FHIP2A: variants seen among roughly 807,000 people sequenced by gnomAD.
FHIP2A encodes the protein FHF complex subunit HOOK interacting protein 2A.
Under a neutral mutation model 93.5 loss-of-function variants are expected in FHIP2A, and 46 were observed. The ratio of observed to expected loss-of-function variants is 0.49; its 90% CI spans 0.39 to 0.63. The LOEUF is 0.63. Among genes scored for constraint, FHIP2A ranks in the 20% least tolerant of loss-of-function variants. FHIP2A has a pLI of 0.00. For synonymous variants in FHIP2A, 332 were observed against 326.5 expected, an observed-to-expected ratio of 1.02 and a Z score of -0.18; for missense variants, 769 against 909.7, an observed-to-expected ratio of 0.85 and a Z score of 1.99.
chr10:114,849,888 CTG>C (rs2083724695), intron 13 of FHIP2A, among the ~76,000 whole-genome samples: 1 of 152,174 alleles, frequency 6.6e-6, no homozygotes, highest in Admixed American at 6.5e-5. Context: ...CCTTTTCTGT[CTG>C]GCATTTTTTA....
At chr10:114,877,866 C>T (rs1381289514) in intron 16 of FHIP2A, among the ~76,000 whole-genome samples, 2 of 119,826 alleles carry the variant, frequency 1.7e-5, no homozygotes, top group Admixed American at 8.8e-5. Context: ...TGTTAACACC[C>T]GTGTGTGAAT....
chr10:114,844,894 C>T (rs536465719), intron 7 of FHIP2A, among the ~76,000 whole-genome samples: 1 of 152,090 alleles, frequency 6.6e-6, no homozygotes, highest in African/African-American at 2.4e-5. Flanking sequence ...AAGTGATTCC[C>T]GTGCCTCAGC....
intron 14 of FHIP2A, among the ~76,000 whole-genome samples, chr10:114,857,257 C>A (rs1389159360): frequency 1.3e-5 from 2 of 150,996 alleles, no homozygotes; most frequent in Non-Finnish European, 3.0e-5. Context: ...AACATTTTTG[C>A]CGGAAGTGAT....
chr10:114,846,871 A>G (rs2083704862), intron 11 of FHIP2A, 143 bp downstream of exon 11: 1 of 792,382 alleles, frequency 1.3e-6, no homozygotes, highest in South Asian at 2.0e-5. Flanking sequence ...ATGCATTGAT[A>G]CTACCATCCT....
chr10:114,860,173 G>A (rs2083789215), intron 14 of FHIP2A, among the ~76,000 whole-genome samples: 1 of 151,962 alleles, frequency 6.6e-6, no homozygotes, highest in South Asian at 2.1e-4. Context: ...GAATCAACCT[G>A]CATAAAATAA....
intron 5 of FHIP2A, among the ~76,000 whole-genome samples, chr10:114,838,747 GGTACACT>G (rs2083650608): frequency 6.6e-6 from 1 of 152,088 alleles, no homozygotes; most frequent in East Asian, 1.9e-4. Context: ...TTCATGGTGA[GGTACACT>G]GTATGTACCT....
chr10:114,845,417 G>A lies in FHIP2A; in HGVS notation c.1064G>A (p.Arg355Gln), dbSNP rs772542473. Reference sequence around the variant, plus strand: ...GATGCTTCAGCATTTCCAGGAAAACGAGCCTTAATTTCATTTCTTTCCTGG... The same window carrying A: ...GATGCTTCAGCATTTCCAGGAAAACAAGCCTTAATTTCATTTCTTTCCTGG... ...KEDASAFPGK[R>Q]ALISFLSWFD... is the part of the protein sequence containing the mutation. The change falls in exon 8 of 17, where the codon CGA (arginine) becomes CAA (glutamine). Residue 355 changes from arginine (R) to glutamine (Q), a missense_variant. Arg to Gln is a conservative substitution (Grantham distance 43, BLOSUM62 1). Coordinates refer to ENST00000369248, the MANE Select transcript of FHIP2A (RefSeq NM_020940.4). 6 of 1,613,564 alleles carry A rather than the reference G, an allele frequency of 3.7e-6. No individual in the cohort carries two copies. The highest frequency in any genetic ancestry group is 1.7e-5 in the Admixed American group (1 of 60,016).
At chr10:114,882,566 C>T (rs921660816) in intron 16 of FHIP2A, among the ~76,000 whole-genome samples, 1 of 152,148 alleles carries the variant, frequency 6.6e-6, no homozygotes, top group African/African-American at 2.4e-5. Context: ...TGGCTCGCAC[C>T]TGTCATCGCA....
At chr10:114,893,403 G>A (rs2083985475) in intron 16 of FHIP2A, among the ~76,000 whole-genome samples, 1 of 152,174 alleles carries the variant, frequency 6.6e-6, no homozygotes, top group African/African-American at 2.4e-5. Context: ...ACCAATCAGT[G>A]ATAGTCTCTT....
At position 114,861,493 on chromosome 10, in the gene FHIP2A, C is replaced by T. The variant is rs766089202; in HGVS notation, c.2251C>T (p.Leu751=). Reference sequence around the variant, plus strand: ...TGTGTTAGAAGAGTTCTGTAAGGAGCTGGCGGCAATCGCATTTGTAAAATA... The same window carrying T: ...TGTGTTAGAAGAGTTCTGTAAGGAGTTGGCGGCAATCGCATTTGTAAAATA... ...VIVLEEFCKE[L]AAIAFVKYHA... The change falls in exon 17 of 17, where the codon CTG becomes TTG. Residue 751 remains leucine (L), a synonymous_variant. Transcript: ENST00000369248. The T allele has an allele frequency of 6.2e-7, 1 of 1,614,090 alleles. No homozygotes were observed. Among genetic ancestry groups the T allele is most frequent in the South Asian group, 1.1e-5 (1 of 91,086 alleles).
chr10:114,830,429 C>T (rs1230067967), intron 1 of FHIP2A, among the ~76,000 whole-genome samples: 1 of 151,886 alleles, frequency 6.6e-6, no homozygotes, highest in Non-Finnish European at 1.5e-5. Context: ...CACGGCACCA[C>T]GCCTGGCTAA....
intron 16 of FHIP2A, among the ~76,000 whole-genome samples, chr10:114,894,305 T>C (rs1283486951): frequency 1.4e-5 from 2 of 146,946 alleles, no homozygotes; most frequent in African/African-American, 2.6e-5. Flanking sequence ...ACGCCTGTAA[T>C]CCCAGCACTT....
At chr10:114,837,587 AATT>A (rs2083643415) in intron 5 of FHIP2A, among the ~76,000 whole-genome samples, 1 of 152,172 alleles carries the variant, frequency 6.6e-6, no homozygotes, top group Non-Finnish European at 1.5e-5. Context: ...CATACAATAG[AATT>A]CACTCGTTTC....
At chr10:114,844,195 A>T (rs995376294) in intron 7 of FHIP2A, among the ~76,000 whole-genome samples, 1 of 152,194 alleles carries the variant, frequency 6.6e-6, no homozygotes, top group Admixed American at 6.5e-5. Flanking sequence ...CATTAAAATC[A>T]ATAATTTTAA....
At chr10:114,891,599 ATG>A (rs545699733) in intron 16 of FHIP2A, among the ~76,000 whole-genome samples, 33 of 141,894 alleles carry the variant, frequency 2.3e-4, no homozygotes, top group Middle Eastern at 3.6e-3. Context: ...GTGTGTATAT[ATG>A]TGTGTGTGTG....
chr10:114,850,936 CAG>C (rs1293325056), intron 13 of FHIP2A, among the ~76,000 whole-genome samples: 4 of 152,228 alleles, frequency 2.6e-5, no homozygotes, highest in African/African-American at 7.2e-5. Flanking sequence ...TGTTTGGAGA[CAG>C]AGTCGCGCTC....
At chr10:114,839,746 GTGGCCCATGCCTA>G (rs1248104431) in intron 5 of FHIP2A, among the ~76,000 whole-genome samples, 2 of 151,904 alleles carry the variant, frequency 1.3e-5, no homozygotes, top group African/African-American at 2.4e-5. Context: ...GTCGGGCTTG[GTGGCCCATGCCTA>G]TAGTCCCAGC....
At chr10:114,867,526 G>A (rs181406334), downstream of FHIP2A, among the ~76,000 whole-genome samples, 471 of 152,326 alleles carry the variant, frequency 3.1e-3, 5 homozygotes, top group Admixed American at 0.02. Flanking sequence ...TTCAGCTAAA[G>A]CATTTGTAGA....
chr10:114,888,648 G>C (rs559884446), intron 16 of FHIP2A, among the ~76,000 whole-genome samples: 1 of 152,172 alleles, frequency 6.6e-6, no homozygotes, highest in South Asian at 2.1e-4. Context: ...TGTCGCCCAG[G>C]CTGGAGTGCA....
Sources: gnomAD v4.1 joint callset for allele counts (sites outside exome capture counted in the v4.1 genomes callset) on GRCh38, gnomAD v4.1.1 for gene constraint, MANE v1.5 for transcripts, NCBI Gene and HGNC (gene_info 2026-07-23, HGNC 2026-07-21) for gene names.